The following TBCD variants were observed in gnomAD, a reference collection of about 807,000 sequenced individuals.
TBCD encodes the protein tubulin-specific chaperone D.
In TBCD, 105 loss-of-function variants were observed where a neutral mutation model predicts 169.3. That is an observed-to-expected ratio of 0.62 (90% CI 0.53 to 0.73). TBCD has a LOEUF of 0.73. Among genes scored for constraint, TBCD ranks in the 30% least tolerant of loss-of-function variants. The pLI, the probability that TBCD is intolerant of heterozygous loss-of-function variation, is 0.00. For synonymous variants in TBCD, 700 were observed against 643.9 expected (o/e 1.09, Z -1.32); for missense variants, 1,444 against 1,600.1 (o/e 0.90, Z 1.66).
At chr17:82,815,909 C>T (rs1200288514) in intron 13 of TBCD, among the ~76,000 whole-genome samples, 2 of 151,944 alleles carry the variant, frequency 1.3e-5, no homozygotes, top group African/African-American at 2.4e-5. Context: ...CTCTTTATTG[C>T]GATCTAATTT....
At position 82,911,857 on chromosome 17, in the gene TBCD, C is replaced by G. The variant is rs148802709; in HGVS notation, c.2038+68C>G. The G allele has an allele frequency of 1.2e-5, 19 of 1,575,182 alleles. No individual in the cohort carries two copies. The East Asian group carries it at 2.5e-4, about 21-fold the overall frequency. ...CAGCCATCGTTGAGGGAGGTGTGCT[C>G]GTGGCGTGCAGGGCGGCCCATTAGC... is the stretch of plus-strand genomic sequence containing the variant. On this transcript the variant is annotated intron_variant, in intron 23 of 38. Coordinates refer to ENST00000355528, the MANE Select transcript of TBCD (RefSeq NM_005993.5).
At position 82,829,792 on chromosome 17, in the gene TBCD, A is replaced by G. The variant is rs1361330927; in HGVS notation, c.1318+14858A>G. ...TGTCATTTACATCAAATATGCAGCT[A>G]GAGCTAATAGAAAAACAGTTAAAAC... On this transcript the variant is annotated intron_variant, in intron 13 of 38. Coordinates refer to ENST00000355528, the MANE Select transcript of TBCD (RefSeq NM_005993.5). 3.9e-5 allele frequency: 10 copies of G among 259,674 alleles called. No homozygotes were observed. In the East Asian group the frequency reaches 8.4e-4, roughly 22 times the overall value. The allele number at this position is 259,674 out of a possible 1,614,324, so 16.1% of individuals were successfully genotyped here.
At chr17:82,793,449 G>A (rs970422584) in intron 7 of TBCD, among the ~76,000 whole-genome samples, 1 of 152,218 alleles carries the variant, frequency 6.6e-6, no homozygotes, top group Non-Finnish European at 1.5e-5. Flanking sequence ...TTGCAGGCCA[G>A]CAAATGCACT....
chr17:82,779,172 C>T (rs1754814478), intron 6 of TBCD, among the ~76,000 whole-genome samples: 1 of 151,840 alleles, frequency 6.6e-6, no homozygotes, highest in African/African-American at 2.4e-5. Context: ...CCACCATGCC[C>T]AGCTAATTTT....
intron 13 of TBCD, among the ~76,000 whole-genome samples, chr17:82,824,652 CT>C (rs537133775): frequency 8.8e-4 from 134 of 152,342 alleles, no homozygotes; most frequent in African/African-American, 3.0e-3. Context: ...ACCACCGCCC[CT>C]GGCCATATTT....
rs1401453258 is a variant in TBCD at position 82,884,817 on chromosome 17, C to T, written c.1533+615C>T. On this transcript the variant is annotated intron_variant, in intron 15 of 38. Coordinates refer to ENST00000355528, the MANE Select transcript of TBCD (RefSeq NM_005993.5). This position sits in a 1 kb window ranked among gnomAD's most constrained non-coding sequence, Gnocchi z 4.2. ...CTACTTCATTTGGCTCAGAGCTGGG[C>T]TGGAGTGAGGCCTGTGTCTCTTGGG... 1 of 156,418 alleles carries T rather than the reference C, an allele frequency of 6.4e-6. No individual in the cohort carries two copies. The highest frequency in any genetic ancestry group is 2.4e-5 in the African/African-American group (1 of 41,514). 9.7% of individuals were successfully genotyped at this position (156,418 alleles called of 1,614,324 possible). A position where few individuals can be genotyped will look rare whatever the true frequency, so the allele number is the denominator to read the frequency against.
chr17:82,913,307 G>A (rs1018635703), intron 23 of TBCD: 2 of 152,270 alleles, frequency 1.3e-5, no homozygotes, highest in African/African-American at 2.4e-5. Context: ...CGACCTTCAC[G>A]TGCTCCCCGT....
At position 82,847,635 on chromosome 17, in the gene TBCD, A is replaced by G. The variant is rs558201970; in HGVS notation, c.1319-22589A>G. ...ATTTGTTTGTACAAATAACGCCACA[A>G]TTTAATTCTTTTTTCTTTTTGAGAC... is the stretch of plus-strand genomic sequence containing the variant. On this transcript the variant is annotated intron_variant, in intron 13 of 38. Transcript: ENST00000355528. Among the ~76,000 whole-genome samples the G allele has an allele frequency of 8.5e-5, 13 of 152,274 alleles. 1 individual carries two copies. The South Asian group carries it at 2.3e-3, about 27-fold the overall frequency.
At position 82,766,388 on chromosome 17, in the gene TBCD, C is replaced by T. The variant is rs756981796; in HGVS notation, c.435+20C>T. 4.4e-6 allele frequency: 7 copies of T among 1,585,160 alleles called. No homozygotes were observed. Among genetic ancestry groups the T allele is most frequent in the South Asian group, 2.3e-5 (2 of 88,822 alleles). ...CATGAAGTGAGTGTCTCTGCCTCCC[C>T]CCTCGTCTCCAGCCCTCCGTGCCTG... On this transcript the variant is annotated intron_variant, in intron 4 of 38. Transcript: ENST00000355528.
chr17:82,926,357 G>T, intron 27 of TBCD, 43 bp from the exon 28 acceptor site: 2 of 1,596,354 alleles, frequency 1.3e-6, no homozygotes, highest in Non-Finnish European at 1.7e-6. Context: ...AGTGCACTTT[G>T]TTATAGCTTA....
intron 13 of TBCD, among the ~76,000 whole-genome samples, chr17:82,853,738 AT>A (rs1179302727): frequency 1.3e-5 from 2 of 151,836 alleles, no homozygotes; most frequent in Admixed American, 6.6e-5. Context: ...TTCTCAGTGT[AT>A]TCTTTTCTGT....
chr17:82,766,416 C>T (rs1274327619), intron 4 of TBCD, 48 bp downstream of exon 4: 12 of 1,432,680 alleles, frequency 8.4e-6, no homozygotes, highest in Non-Finnish European at 1.2e-5. Flanking sequence ...CGTGCCTGTC[C>T]TTCCTCCCTG....
intron 13 of TBCD, among the ~76,000 whole-genome samples, chr17:82,850,891 A>C (rs956324542): frequency 2.0e-5 from 3 of 152,242 alleles, no homozygotes; most frequent in African/African-American, 7.2e-5. Flanking sequence ...ACACCTCCCA[A>C]TTATTGATAA....
chr17:82,846,259 T>TCCGGCATGCCACGTCC (rs1567878771), intron 13 of TBCD, among the ~76,000 whole-genome samples: 3 of 145,860 alleles, frequency 2.1e-5, no homozygotes, highest in African/African-American at 7.4e-5. Flanking sequence ...ACGCGCTGCG[T>TCCGGCATGCCACGTCC]CCTCTGTGCT....
chr17:82,775,858 A>G (rs970201457), intron 6 of TBCD, among the ~76,000 whole-genome samples: 3 of 151,898 alleles, frequency 2.0e-5, no homozygotes, highest in Non-Finnish European at 4.4e-5. Context: ...AACTTGCACA[A>G]TGTGCACATG....
chr17:82,811,267 C>G (rs1364965662), intron 12 of TBCD, among the ~76,000 whole-genome samples: 1 of 152,252 alleles, frequency 6.6e-6, no homozygotes, highest in Admixed American at 6.5e-5. Flanking sequence ...CCTCTCTCCT[C>G]CAGCCGCTGG....
In TBCD at chr17:82,769,476, G is replaced by A. The variant is rs948458786; in HGVS notation, c.582+910G>A. Among the ~76,000 whole-genome samples the A allele has an allele frequency of 3.3e-5, 5 of 152,326 alleles. No individual in the cohort carries two copies. In the East Asian group the frequency reaches 5.8e-4, roughly 18 times the overall value. ...TCAGTTGTCTCGGTCTTCCTGCCAC[G>A]CTGACTGCGACAGCCCTGGTCAGCA... On this transcript the variant is annotated intron_variant, in intron 5 of 38. Transcript: ENST00000355528.
intron 27 of TBCD, 50 bp downstream of exon 27, chr17:82,925,107 G>C (rs1214051884): frequency 7.0e-7 from 1 of 1,420,892 alleles, no homozygotes; most frequent in Non-Finnish European, 9.6e-7. Flanking sequence ...GGGTGTGGGA[G>C]CCTCGTGTGT....
chr17:82,831,692 T>C lies in TBCD; in HGVS notation c.1318+16758T>C, dbSNP rs1382803397. 6.2e-7 allele frequency: 1 copy of C among 1,614,048 alleles called. No homozygotes were observed. On this transcript the variant is annotated intron_variant, in intron 13 of 38. Transcript: ENST00000355528. The surrounding 1 kb of genome is among the most constrained non-coding windows in gnomAD (Gnocchi z 4.6). ...CCAGCCAGCAGGTAAGGCGAGTAGA[T>C]GGTGGCCAGCCCGTGCTCTGTGTAA...
Sources: allele counts gnomAD v4.1 joint callset (sites outside exome capture counted in the v4.1 genomes callset), GRCh38; gene constraint gnomAD v4.1.1; non-coding constraint Gnocchi (gnomAD v3.1); transcripts MANE v1.5; gene names NCBI Gene and HGNC (gene_info 2026-07-23, HGNC 2026-07-21).